PLPPR1: variants seen among roughly 807,000 people sequenced by gnomAD.
PLPPR1 encodes the protein phospholipid phosphatase-related protein type 1.
Under a neutral mutation model 33.1 loss-of-function variants are expected in PLPPR1, and 10 were observed. That is an observed-to-expected ratio of 0.30 (90% CI 0.19 to 0.51). The LOEUF (loss-of-function observed/expected upper bound fraction) is 0.51, where lower values mean the gene tolerates loss of function less well. Among genes scored for constraint, PLPPR1 ranks in the 20% least tolerant of loss-of-function variants. The pLI is 0.97. For missense variants in PLPPR1, 304 were observed against 408.1 expected (o/e 0.74, Z 2.20); for synonymous variants, 151 against 151.0 (o/e 1.00, Z 0.00).
intron 2 of PLPPR1, among the ~76,000 whole-genome samples, chr9:101,191,306 A>T (rs1243907942): frequency 2.6e-5 from 4 of 152,130 alleles, no homozygotes; most frequent in Non-Finnish European, 4.4e-5. Context: ...TTCTCCTTAA[A>T]CTCATAACAT....
intron 1 of PLPPR1, among the ~76,000 whole-genome samples, chr9:101,137,033 G>A (rs1389440775): frequency 6.6e-6 from 1 of 152,078 alleles, no homozygotes; most frequent in Non-Finnish European, 1.5e-5. Flanking sequence ...TTGAGGTGAT[G>A]GATACCCCAT....
chr9:101,129,659 G>A (rs543479024), intron 1 of PLPPR1, among the ~76,000 whole-genome samples: 5 of 152,160 alleles, frequency 3.3e-5, no homozygotes, highest in East Asian at 3.9e-4. Context: ...GTGAAACCCC[G>A]TCTCTACTAA....
At chr9:101,067,907 T>A (rs1018217219) in intron 1 of PLPPR1, among the ~76,000 whole-genome samples, 1 of 152,100 alleles carries the variant, frequency 6.6e-6, no homozygotes, top group East Asian at 1.9e-4. Context: ...TTTAGTTTGT[T>A]TATTGTTTAA....
At chr9:101,206,300 A>G (rs1022663320) in intron 2 of PLPPR1, among the ~76,000 whole-genome samples, 1 of 149,924 alleles carries the variant, frequency 6.7e-6, no homozygotes, top group Non-Finnish European at 1.5e-5. Context: ...CATACACAAT[A>G]CACATGTGAT....
At chr9:101,089,731 A>T (rs1052725325) in intron 1 of PLPPR1, among the ~76,000 whole-genome samples, 3 of 152,190 alleles carry the variant, frequency 2.0e-5, no homozygotes, top group African/African-American at 7.2e-5. Context: ...TTTCATCATT[A>T]TAAACTTATC....
intron 1 of PLPPR1, among the ~76,000 whole-genome samples, chr9:101,039,945 G>T: frequency 6.7e-6 from 1 of 149,846 alleles, no homozygotes; most frequent in Non-Finnish European, 1.5e-5. Flanking sequence ...AAAAAATAGA[G>T]ACTTAAACCA....
intron 2 of PLPPR1, among the ~76,000 whole-genome samples, chr9:101,266,272 CA>C (rs1331784551): frequency 6.6e-6 from 1 of 151,090 alleles, no homozygotes; most frequent in African/African-American, 2.4e-5. Context: ...ACTAAAAATA[CA>C]AAAAATTAGC....
chr9:101,270,622 A>C (rs980563997), intron 3 of PLPPR1, among the ~76,000 whole-genome samples: 1 of 152,142 alleles, frequency 6.6e-6, no homozygotes, highest in African/African-American at 2.4e-5. Context: ...TTGCAACTTT[A>C]CCTTCATATA....
intron 1 of PLPPR1, among the ~76,000 whole-genome samples, chr9:101,060,631 A>G (rs540520505): frequency 8.6e-5 from 13 of 151,992 alleles, no homozygotes; most frequent in African/African-American, 2.9e-4. Context: ...AAAAATATAT[A>G]CAATAATTTA....
chr9:101,185,651 G>A, intron 2 of PLPPR1, 94 bp downstream of exon 2: 2 of 744,528 alleles, frequency 2.7e-6, no homozygotes, highest in Non-Finnish European at 2.2e-6. Context: ...TTAATTTTAT[G>A]ATTGGTAAGT....
At chr9:101,117,248 T>A (rs1331108679) in intron 1 of PLPPR1, among the ~76,000 whole-genome samples, 1 of 152,086 alleles carries the variant, frequency 6.6e-6, no homozygotes, top group Non-Finnish European at 1.5e-5. Flanking sequence ...CAGCACTAAA[T>A]ACAAGTCATA....
intron 1 of PLPPR1, among the ~76,000 whole-genome samples, chr9:101,064,813 G>C (rs10989368): frequency 0.03 from 4,520 of 152,068 alleles, 120 homozygotes; most frequent in East Asian, 0.08. Context: ...GCAGAGTTTT[G>C]AGGTCGCTCA....
Position 101,074,851 on chromosome 9 carries a change from A to G in PLPPR1, c.-46+45749A>G, listed in dbSNP as rs1450559934. 2.0e-5 allele frequency among the ~76,000 whole-genome samples: 3 copies of G among 152,200 alleles called. No individual in the cohort carries two copies. In the East Asian group the frequency reaches 5.8e-4, roughly 29 times the overall value. On this transcript the variant is annotated intron_variant, in intron 1 of 7. Transcript: ENST00000374874. The stretch of plus-strand genomic sequence containing the variant: ...TGCAATGATAACAAAAGGAAGAACT[A>G]CAGATACAAGTTTATGAAGTGTCAT...
chr9:101,296,392 A>G (rs140180942), intron 4 of PLPPR1, among the ~76,000 whole-genome samples: 4,882 of 147,974 alleles, frequency 0.033, 271 homozygotes, highest in African/African-American at 0.11. Flanking sequence ...TCAGTGTGGC[A>G]ATTCCTCAGG....
At chr9:101,121,572 A>AT (rs999131207) in intron 1 of PLPPR1, among the ~76,000 whole-genome samples, 5 of 152,166 alleles carry the variant, frequency 3.3e-5, no homozygotes, top group South Asian at 2.1e-4. Flanking sequence ...ATCAAGGAGT[A>AT]TTTTTTTTGT....
chr9:101,213,101 A>G (rs995100714), intron 2 of PLPPR1, among the ~76,000 whole-genome samples: 11 of 152,146 alleles, frequency 7.2e-5, no homozygotes, highest in Non-Finnish European at 1.3e-4. Context: ...GCCCAAGATG[A>G]TTATAGCTAA....
chr9:101,278,000 A>G (rs1828228832), intron 3 of PLPPR1, among the ~76,000 whole-genome samples: 1 of 152,188 alleles, frequency 6.6e-6, no homozygotes, highest in African/African-American at 2.4e-5. Flanking sequence ...AATAAAGGAG[A>G]GAGCTGAGAT....
intron 4 of PLPPR1, among the ~76,000 whole-genome samples, chr9:101,295,491 C>T (rs916586151): frequency 3.9e-5 from 6 of 152,128 alleles, no homozygotes; most frequent in Non-Finnish European, 8.8e-5. Flanking sequence ...CCCACATCAC[C>T]AATTCAATCC....
chr9:101,137,675 A>T (rs1265387480), intron 1 of PLPPR1, among the ~76,000 whole-genome samples: 1 of 152,190 alleles, frequency 6.6e-6, no homozygotes, highest in Admixed American at 6.5e-5. Flanking sequence ...AATATCCTCT[A>T]AAGAGCAGTC....
Sources: gnomAD v4.1 joint callset for allele counts (sites outside exome capture counted in the v4.1 genomes callset) on GRCh38, gnomAD v4.1.1 for gene constraint, MANE v1.5 for transcripts, NCBI Gene and HGNC (gene_info 2026-07-23, HGNC 2026-07-21) for gene names.